Variants in DPP10 observed in about 807,000 individuals in gnomAD.
DPP10 encodes inactive dipeptidyl peptidase 10.
DPP10 carries 33 observed loss-of-function variants against 120.9 expected under a neutral mutation model. The observed-to-expected ratio is 0.27, with a 90% CI of 0.21 to 0.37. DPP10 has a LOEUF of 0.37. Among genes scored for constraint, DPP10 ranks in the 10% least tolerant of loss-of-function variants. The probability of loss-of-function intolerance (pLI) is 1.00; values close to 1 mark genes in which losing one functional copy is unlikely to be tolerated. For missense variants in DPP10, 816 were observed against 942.8 expected (o/e 0.87, Z 1.76); for synonymous variants, 337 against 326.1 (o/e 1.03, Z -0.36).
chr2:115,119,006 C>T (rs947644759), intron 1 of DPP10, among the ~76,000 whole-genome samples: 3 of 152,144 alleles, frequency 2.0e-5, no homozygotes, highest in Middle Eastern at 3.2e-3. Flanking sequence ...GAGGGTCAAG[C>T]AGGCAACTTG....
chr2:115,117,852 T>C (rs2049603002), intron 1 of DPP10, among the ~76,000 whole-genome samples: 1 of 152,168 alleles, frequency 6.6e-6, no homozygotes, highest in South Asian at 2.1e-4. Context: ...TTCCTTCTGG[T>C]CCTCTTCTAT....
intron 7 of DPP10, among the ~76,000 whole-genome samples, chr2:115,698,146 T>A (rs942499898): frequency 1.3e-5 from 2 of 152,154 alleles, no homozygotes; most frequent in Middle Eastern, 3.2e-3. Context: ...CAATAGCTTT[T>A]AAAAAATTAT....
intron 1 of DPP10, among the ~76,000 whole-genome samples, chr2:115,184,849 C>T: frequency 6.6e-6 from 1 of 151,990 alleles, no homozygotes; most frequent in East Asian, 1.9e-4. Context: ...CTATTGTCAT[C>T]CTAAGTAATA....
chr2:115,340,673 A>G (rs1171827540), intron 2 of DPP10, among the ~76,000 whole-genome samples: 1 of 151,802 alleles, frequency 6.6e-6, no homozygotes, highest in Non-Finnish European at 1.5e-5. Flanking sequence ...TTCCTAAAAA[A>G]TGTAAATGAA....
At chr2:114,624,455 C>T (rs2105345179) in intron 1 of DPP10, among the ~76,000 whole-genome samples, 1 of 152,056 alleles carries the variant, frequency 6.6e-6, no homozygotes, top group African/African-American at 2.4e-5. Context: ...TGAATATTAT[C>T]ATGTGAATAT....
intron 1 of DPP10, among the ~76,000 whole-genome samples, chr2:115,083,442 T>A (rs1272386198): frequency 6.6e-6 from 1 of 152,126 alleles, no homozygotes; most frequent in African/African-American, 2.4e-5. Context: ...ATTCCTCTAT[T>A]TCACATAGTA....
intron 1 of DPP10, among the ~76,000 whole-genome samples, chr2:115,245,880 A>C (rs1211502834): frequency 2.6e-5 from 4 of 152,148 alleles, no homozygotes; most frequent in Admixed American, 2.0e-4. Flanking sequence ...GTTTGGCATT[A>C]ATTAAATTCT....
chr2:115,191,123 A>G (rs920571184), intron 1 of DPP10, among the ~76,000 whole-genome samples: 1 of 152,140 alleles, frequency 6.6e-6, no homozygotes, highest in Admixed American at 6.5e-5. Context: ...GGGAGCAGAG[A>G]TGGTAATCTG....
rs6742417 is a variant in DPP10 at position 114,746,720 on chromosome 2, A to G, written c.60+303882A>G. 5.9e-3 allele frequency among the ~76,000 whole-genome samples: 895 copies of G among 152,304 alleles called. 9 individuals carry two copies. Among genetic ancestry groups the G allele is most frequent in the African/African-American group, 0.02 (840 of 41,568 alleles). ...AAACCCCAAAGGAGAGCCAGGAAAC[A>G]GATTGTTGTTTAGAACTCTGAATAA... On this transcript the variant is annotated intron_variant, in intron 1 of 25. Coordinates refer to ENST00000410059, the MANE Select transcript of DPP10 (RefSeq NM_020868.6).
intron 1 of DPP10, among the ~76,000 whole-genome samples, chr2:114,925,886 C>A (rs1167441117): frequency 6.6e-6 from 1 of 152,118 alleles, no homozygotes; most frequent in African/African-American, 2.4e-5. Flanking sequence ...CTATCCTTGG[C>A]AATTATTCAA....
intron 1 of DPP10, among the ~76,000 whole-genome samples, chr2:114,641,291 T>A (rs991760565): frequency 6.6e-6 from 1 of 152,012 alleles, no homozygotes; most frequent in Non-Finnish European, 1.5e-5. Context: ...CCGACCTTTG[T>A]CTTTTTTCCT....
rs549568607 is a variant in DPP10, at chr2:115,602,579, T to C, written c.441+76607T>C. Among the ~76,000 whole-genome samples the C allele has an allele frequency of 4.5e-4, 68 of 152,306 alleles. 1 individual carries two copies. The South Asian group carries it at 0.014, about 32-fold the overall frequency. ...TTCTTTATTTTTTCATTCTTCTCTT[T>C]CATGTAAAGTTGCTGATTTTATAAT... is the stretch of plus-strand genomic sequence containing the variant. On this transcript the variant is annotated intron_variant, in intron 5 of 25. Coordinates refer to ENST00000410059, the MANE Select transcript of DPP10 (RefSeq NM_020868.6).
intron 3 of DPP10, among the ~76,000 whole-genome samples, chr2:115,403,868 A>G (rs1439962504): frequency 1.3e-5 from 2 of 152,202 alleles, no homozygotes; most frequent in African/African-American, 2.4e-5. Context: ...TAAAAAAACT[A>G]TTAGAACTGA....
At chr2:114,919,552 A>G (rs926556089) in intron 1 of DPP10, among the ~76,000 whole-genome samples, 1 of 152,226 alleles carries the variant, frequency 6.6e-6, no homozygotes, top group Non-Finnish European at 1.5e-5. Flanking sequence ...TGTTGGTTAT[A>G]TAACGCAAGT....
intron 3 of DPP10, among the ~76,000 whole-genome samples, chr2:115,448,348 T>C (rs1355054167): frequency 6.6e-6 from 1 of 152,154 alleles, no homozygotes; most frequent in African/African-American, 2.4e-5. Context: ...TGACAAACAC[T>C]ACCATAAGAT....
At chr2:115,289,393 A>G (rs1205654046) in intron 1 of DPP10, among the ~76,000 whole-genome samples, 1 of 151,396 alleles carries the variant, frequency 6.6e-6, no homozygotes, top group African/African-American at 2.4e-5. Context: ...AAAGCAATCT[A>G]CTTTGGACAA....
intron 1 of DPP10, among the ~76,000 whole-genome samples, chr2:114,472,938 C>A (rs1460181621): frequency 6.6e-6 from 1 of 152,152 alleles, no homozygotes; most frequent in Admixed American, 6.6e-5. Context: ...CCATAGCAAC[C>A]ACATCTTATA....
At chr2:114,835,655 G>A (rs1164845464) in intron 1 of DPP10, 5 of 152,130 alleles carry the variant, frequency 3.3e-5, no homozygotes, top group Non-Finnish European at 7.4e-5. Context: ...CTCAGTGGAG[G>A]TCAAGATCTT....
At chr2:115,254,846 C>T (rs559354352) in intron 1 of DPP10, among the ~76,000 whole-genome samples, 1 of 152,346 alleles carries the variant, frequency 6.6e-6, no homozygotes, top group South Asian at 2.1e-4. Flanking sequence ...TGGGCTCCCA[C>T]AGCATTTGGC....
Sources: allele counts gnomAD v4.1 joint callset (sites outside exome capture counted in the v4.1 genomes callset), GRCh38; gene constraint gnomAD v4.1.1; transcripts MANE v1.5; gene names NCBI Gene and HGNC (gene_info 2026-07-23, HGNC 2026-07-21).